RTTN: variants seen among roughly 807,000 people sequenced by gnomAD.
RTTN encodes the protein rotatin.
Under a neutral mutation model 269.2 loss-of-function variants are expected in RTTN, and 182 were observed. That is an observed-to-expected ratio of 0.68 (90% CI 0.60 to 0.76). The LOEUF (loss-of-function observed/expected upper bound fraction) is 0.76, where lower values mean the gene tolerates loss of function less well. Among genes scored for constraint, RTTN ranks in the 30% least tolerant of loss-of-function variants. RTTN has a pLI of 0.00. For synonymous variants in RTTN, 1,006 were observed against 963.5 expected (o/e 1.04, Z -0.82); for missense variants, 2,545 against 2,608.6 (o/e 0.98, Z 0.53).
intron 30 of RTTN, among the ~76,000 whole-genome samples, chr18:70,089,838 C>G (rs2058795994): frequency 6.6e-6 from 1 of 152,142 alleles, no homozygotes; most frequent in African/African-American, 2.4e-5. Context: ...GAAAAATTGG[C>G]TTGGTTCCTC....
At chr18:70,169,407 T>C (rs1002886452) in intron 11 of RTTN, among the ~76,000 whole-genome samples, 1 of 152,144 alleles carries the variant, frequency 6.6e-6, no homozygotes, top group African/African-American at 2.4e-5. Flanking sequence ...GAGGCCTTTT[T>C]CTCTAAGTAT....
chr18:70,168,454 A>G (rs1307517122), intron 12 of RTTN, among the ~76,000 whole-genome samples: 2 of 152,206 alleles, frequency 1.3e-5, no homozygotes, highest in Non-Finnish European at 2.9e-5. Context: ...TATATGTAAG[A>G]ACTATCTATA....
chr18:70,137,829 C>T (rs922087154), intron 21 of RTTN, among the ~76,000 whole-genome samples: 1 of 152,182 alleles, frequency 6.6e-6, no homozygotes, highest in Non-Finnish European at 1.5e-5. Context: ...TGTATATTTA[C>T]TTGTCAATGT....
intron 7 of RTTN, among the ~76,000 whole-genome samples, 157 bp downstream of exon 7, chr18:70,196,344 G>A (rs555083925): frequency 2.0e-5 from 3 of 150,418 alleles, no homozygotes; most frequent in South Asian, 2.1e-4. Flanking sequence ...TGTCATTCAC[G>A]CAATCTGTAA....
At chr18:70,021,902 C>T (rs1055204196) in intron 44 of RTTN, among the ~76,000 whole-genome samples, 6 of 152,144 alleles carry the variant, frequency 3.9e-5, no homozygotes, top group Non-Finnish European at 8.8e-5. Context: ...TTGTGAGTTC[C>T]AGTCCCTTCT....
chr18:70,129,287 A>C (rs1481021372), intron 23 of RTTN: 1 of 152,042 alleles, frequency 6.6e-6, no homozygotes, highest in Non-Finnish European at 1.5e-5. Flanking sequence ...AAACTCCTAA[A>C]ATGTATATGG....
At position 70,193,337 on chromosome 18, in the gene RTTN, C is replaced by T; in HGVS notation, c.958G>A (p.Gly320Ser). The T allele has an allele frequency of 6.2e-6, 10 of 1,611,154 alleles. No individual in the cohort carries two copies. Among genetic ancestry groups the T allele is most frequent in the Non-Finnish European group, 8.5e-6 (10 of 1,178,624 alleles). Residue 320 changes from glycine (G) to serine (S), a missense_variant, in exon 8 of 49, where the codon GGC (glycine) becomes AGC (serine). By Grantham distance (56) the Gly-to-Ser change is moderately conservative. Coordinates refer to ENST00000640769, the MANE Select transcript of RTTN (RefSeq NM_173630.4). ...TGGCCATCTCCTCTGGGTCGCTGGC[C>T]TGTGCGCCCAACCACAGAAGGCCGA... is the stretch of plus-strand genomic sequence containing the variant. ...SPRPSVVGRT[G>S]QRPRGDGQDW...
At position 70,205,140 on chromosome 18, in the gene RTTN, G is replaced by T. The variant is rs1447774690; in HGVS notation, c.207C>A (p.Ser69Arg). Residue 69 changes from serine (S) to arginine (R), a missense_variant, in exon 2 of 49, where the codon AGC becomes AGA. Coordinates refer to ENST00000640769, the MANE Select transcript of RTTN (RefSeq NM_173630.4). ...PMKEEVLNLLSRLVKYPPAVQ... is the reference protein window; with the variant it reads ...PMKEEVLNLLRRLVKYPPAVQ... ...AAAATGACCCTACCTTAACCAATCT[G>T]CTTAACAGGTTCAGAACCTCTTCCT... The T allele has an allele frequency of 3.1e-6, 5 of 1,614,016 alleles. No homozygotes were observed. Among genetic ancestry groups the T allele is most frequent in the Non-Finnish European group, 4.2e-6 (5 of 1,179,996 alleles).
At chr18:70,064,768 T>C (rs1255878196) in intron 35 of RTTN, among the ~76,000 whole-genome samples, 1 of 152,184 alleles carries the variant, frequency 6.6e-6, no homozygotes, top group Non-Finnish European at 1.5e-5. Flanking sequence ...GTGGTGACGG[T>C]TGCACAACTC....
At chr18:70,016,682 T>A (rs2056547787) in intron 46 of RTTN, among the ~76,000 whole-genome samples, 1 of 152,134 alleles carries the variant, frequency 6.6e-6, no homozygotes, top group Non-Finnish European at 1.5e-5. Context: ...CCTCCATCTG[T>A]CCTACATCTC....
intron 5 of RTTN, among the ~76,000 whole-genome samples, chr18:70,198,044 A>C (rs1460600558): frequency 6.6e-6 from 1 of 152,226 alleles, no homozygotes; most frequent in African/African-American, 2.4e-5. Context: ...ACAAGTCTGC[A>C]AAACGAGTTC....
At position 70,029,937 on chromosome 18, in the gene RTTN, C is replaced by T. The variant is rs544906914; in HGVS notation, c.5745+75G>A. The T allele has an allele frequency of 2.8e-5, 28 of 991,670 alleles. No homozygotes were observed. The African/African-American group carries it at 3.5e-4, about 13-fold the overall frequency. The allele number at this position is 991,670 out of a possible 1,614,324, so 61.4% of individuals were successfully genotyped here. ...CTAAATGAGACACTCATTTCAAGCT[C>T]GTGCTCATTTCTAGGCACAAGAGGA... is the stretch of plus-strand genomic sequence containing the variant. On this transcript the variant is annotated intron_variant, in intron 42 of 48. Transcript: ENST00000640769.
At chr18:70,033,296 C>T (rs1435863189) in intron 40 of RTTN, among the ~76,000 whole-genome samples, 1 of 152,198 alleles carries the variant, frequency 6.6e-6, no homozygotes, top group Non-Finnish European at 1.5e-5. Flanking sequence ...CCAATTAAAC[C>T]TCTTTTCTTT....
chr18:70,029,804 T>A (rs577394953), intron 42 of RTTN, among the ~76,000 whole-genome samples: 1 of 152,296 alleles, frequency 6.6e-6, no homozygotes, highest in South Asian at 2.1e-4. Flanking sequence ...CAACAGTACA[T>A]AATAGACAGA....
At chr18:70,110,039 A>G (rs1271110747) in intron 27 of RTTN, among the ~76,000 whole-genome samples, 1 of 151,992 alleles carries the variant, frequency 6.6e-6, no homozygotes, top group Non-Finnish European at 1.5e-5. Context: ...GTGAGACCTC[A>G]TTTCTAAAAA....
Position 70,017,638 on chromosome 18 carries a change from G to C in RTTN, c.6190C>G (p.Pro2064Ala), listed in dbSNP as rs756176608. ...FLQNFLSLAL[P>A]KGGNKHLSNL... is the part of the protein sequence containing the mutation. Reference sequence around the variant, plus strand: ...CTTAGATGTTTATTTCCTCCTTTTGGCAATGCTAGAGAGAGGAAGTTCTGT... The same window carrying C: ...CTTAGATGTTTATTTCCTCCTTTTGCCAATGCTAGAGAGAGGAAGTTCTGT... Residue 2064 changes from proline to alanine, a missense_variant, in exon 46 of 49, where the codon CCA becomes GCA. Pro to Ala is a conservative substitution (Grantham distance 27, BLOSUM62 -1). Transcript: ENST00000640769. 5 of 1,613,396 alleles carry C rather than the reference G, an allele frequency of 3.1e-6. No individual in the cohort carries two copies. The highest frequency in any genetic ancestry group is 4.2e-6 in the Non-Finnish European group (5 of 1,179,518).
At chr18:70,201,086 C>G (rs1349863399) in intron 4 of RTTN, among the ~76,000 whole-genome samples, 1 of 152,204 alleles carries the variant, frequency 6.6e-6, no homozygotes, top group African/African-American at 2.4e-5. Context: ...GGCATGTGAG[C>G]TGAGGCTGAA....
At position 70,139,697 on chromosome 18, in the gene RTTN, T is replaced by A; in HGVS notation, c.2690A>T (p.Gln897Leu). Residue 897 changes from glutamine to leucine, a missense_variant, in exon 21 of 49, where the codon CAA (glutamine) becomes CTA (leucine). Coordinates refer to ENST00000640769, the MANE Select transcript of RTTN (RefSeq NM_173630.4). ...CTTCCTCAAGAGTGTGAGGCATGGT[T>A]GTACCAAACATTCTACAACCTGGGC... ...QDGKVVECLV[Q>L]PCLTLLRKVL... 1 of 1,611,738 alleles carries A rather than the reference T, an allele frequency of 6.2e-7. No homozygotes were observed. Among genetic ancestry groups the A allele is most frequent in the East Asian group, 2.2e-5 (1 of 44,834 alleles).
chr18:70,166,075 A>G lies in RTTN; in HGVS notation c.1916T>C (p.Leu639Pro). Residue 639 changes from leucine to proline, a missense_variant, in exon 14 of 49, where the codon CTG (leucine) becomes CCG (proline). Coordinates refer to ENST00000640769, the MANE Select transcript of RTTN (RefSeq NM_173630.4). Reference protein sequence around the residue: ...RVKAETYHCCLEITKECLGVH... With the variant: ...RVKAETYHCCPEITKECLGVH... ...ACAAAACCTCACCTTCGTGATTTCCAGACAGCAGTGGTAAGTTTCAGCTTT... is the reference window on the plus strand; with the variant it reads ...ACAAAACCTCACCTTCGTGATTTCCGGACAGCAGTGGTAAGTTTCAGCTTT... 5 of 1,613,766 alleles carry G rather than the reference A, an allele frequency of 3.1e-6. No homozygotes were observed. The highest frequency in any genetic ancestry group is 4.2e-6 in the Non-Finnish European group (5 of 1,179,758).
Sources: allele counts gnomAD v4.1 joint callset (sites outside exome capture counted in the v4.1 genomes callset), GRCh38; gene constraint gnomAD v4.1.1; transcripts MANE v1.5; gene names NCBI Gene and HGNC (gene_info 2026-07-23, HGNC 2026-07-21).